The following SUGT1 variants were observed in gnomAD, a reference collection of about 807,000 sequenced individuals.
The protein encoded by SUGT1 is protein SGT1 homolog.
A neutral mutation model predicts 56.1 loss-of-function variants in SUGT1; 15 were observed. The observed-to-expected ratio is 0.27, with a 90% CI of 0.18 to 0.41. The LOEUF (loss-of-function observed/expected upper bound fraction) is 0.41, where lower values mean the gene tolerates loss of function less well. Ranked by LOEUF, SUGT1 falls within the 10% of genes least tolerant of loss-of-function variation. The probability of loss-of-function intolerance (pLI) is 1.00; values close to 1 mark genes in which losing one functional copy is unlikely to be tolerated. For missense variants in SUGT1, 347 were observed against 382.2 expected (o/e 0.91, Z 0.77); for synonymous variants, 123 against 128.6 (o/e 0.96, Z 0.30).
At chr13:52,685,979 A>T (rs1253848152) in intron 12 of SUGT1, among the ~76,000 whole-genome samples, 1 of 152,152 alleles carries the variant, frequency 6.6e-6, no homozygotes, top group Non-Finnish European at 1.5e-5. Context: ...TCAGGCTGGA[A>T]TGCAGTGGCG....
At chr13:52,675,607 T>C (rs1963109998) in intron 10 of SUGT1, among the ~76,000 whole-genome samples, 1 of 152,186 alleles carries the variant, frequency 6.6e-6, no homozygotes, top group Admixed American at 6.5e-5. Flanking sequence ...CCCACAGCCT[T>C]GAAGACTGTA....
In SUGT1 at chr13:52,658,401, G is replaced by C. The variant is rs1301699313; in HGVS notation, c.190G>C (p.Ala64Pro). Residue 64 changes from alanine (A) to proline (P), a missense_variant and splice_region_variant, in exon 4 of 13, where the codon GCT becomes CCT. Coordinates refer to ENST00000310528, the MANE Select transcript of SUGT1 (RefSeq NM_006704.5). ...AAAACCCGTCTTTTTCTACACAGTT[G>C]CTGTTGCTGATGCAAAGAAGTCTCT... is the stretch of plus-strand genomic sequence containing the variant. ...CHILLGNYCV[A>P]VADAKKSLEL... 6.2e-7 allele frequency: 1 copy of C among 1,612,704 alleles called. No individual in the cohort carries two copies. Among genetic ancestry groups the C allele is most frequent in the South Asian group, 1.1e-5 (1 of 90,666 alleles).
chr13:52,666,956 T>G lies in SUGT1; in HGVS notation c.627+37T>G, dbSNP rs182356623. The G allele has an allele frequency of 7.0e-3, 10,022 of 1,431,480 alleles. 59 individuals carry two copies. Among genetic ancestry groups the G allele is most frequent in the Middle Eastern group, 0.023 (132 of 5,678 alleles). 88.7% of individuals were successfully genotyped at this position (1,431,480 alleles called of 1,614,324 possible). A position where few individuals can be genotyped will look rare whatever the true frequency, so the allele number is the denominator to read the frequency against. On this transcript the variant is annotated intron_variant, in intron 10 of 12. Coordinates refer to ENST00000310528, the MANE Select transcript of SUGT1 (RefSeq NM_006704.5). Reference sequence around the variant, plus strand: ...GAAAAGTTTGTTACTAGTAATATTTTCAAAATTATAGAAATACTGGTGAAC... The same window carrying G: ...GAAAAGTTTGTTACTAGTAATATTTGCAAAATTATAGAAATACTGGTGAAC...
intron 9 of SUGT1, 76 bp downstream of exon 9, chr13:52,665,809 C>A: frequency 2.2e-6 from 2 of 929,128 alleles, no homozygotes; most frequent in Non-Finnish European, 3.2e-6. Context: ...TAATCGATAA[C>A]GGTTTATCAG....
At chr13:52,663,837 A>G (rs567444214) in intron 7 of SUGT1, among the ~76,000 whole-genome samples, 198 bp from the exon 8 acceptor site, 1 of 152,296 alleles carries the variant, frequency 6.6e-6, no homozygotes, top group South Asian at 2.1e-4. Flanking sequence ...TGAGCATTCT[A>G]ATTTTTTTCC....
rs552779509 is a variant in SUGT1 at position 52,689,637 on chromosome 13, C to A, written c.*1802C>A. The A allele has an allele frequency of 2.0e-5, 3 of 151,986 alleles. No homozygotes were observed. The highest frequency in any genetic ancestry group is 4.4e-5 in the Non-Finnish European group (3 of 67,992). The allele number at this position is 151,986 out of a possible 1,614,324, so 9.4% of individuals were successfully genotyped here. A position where few individuals can be genotyped will look rare whatever the true frequency, so the allele number is the denominator to read the frequency against. On this transcript the variant is annotated 3_prime_UTR_variant, in exon 13 of 13. Transcript: ENST00000310528. Reference sequence around the variant, plus strand: ...TCTAAATACAGAAGCATATTTTTGCCGCTTAACTTTTTCTTTCTTAAAGAT... The same window carrying A: ...TCTAAATACAGAAGCATATTTTTGCAGCTTAACTTTTTCTTTCTTAAAGAT...
chr13:52,659,815 T>TATATATATATATATA (rs57747988), intron 5 of SUGT1, among the ~76,000 whole-genome samples: 1 of 25,256 alleles, frequency 4.0e-5, no homozygotes, highest in Admixed American at 6.1e-4. Flanking sequence ...TATATATATA[T>TATATATATATATATA]TTTTTTTTTT....
Position 52,681,077 on chromosome 13 carries a change from A to G in SUGT1, c.900+922A>G, listed in dbSNP as rs553627151. On this transcript the variant is annotated intron_variant, in intron 12 of 12. Coordinates refer to ENST00000310528, the MANE Select transcript of SUGT1 (RefSeq NM_006704.5). ...GGTCTCGAACTCCTGGCTTCAAGCA[A>G]TCTAGCCGCCTCAGCCTCCCAAAGT... 2.8e-4 allele frequency among the ~76,000 whole-genome samples: 42 copies of G among 152,184 alleles called. No homozygotes were observed. In the East Asian group the frequency reaches 3.1e-3, roughly 11 times the overall value.
chr13:52,680,130 T>A lies in SUGT1; in HGVS notation c.875T>A (p.Val292Glu). Residue 292 changes from valine to glutamate, a missense_variant, in exon 12 of 13, where the codon GTG (valine) becomes GAG (glutamate). Val to Glu is a moderately radical substitution (Grantham distance 121). Transcript: ENST00000310528. ...ATCTATTCAGATGGTTCTGATGAAGTGAAACGTGCCATGAACAAATCCTTT... is the reference window on the plus strand; with the variant it reads ...ATCTATTCAGATGGTTCTGATGAAGAGAAACGTGCCATGAACAAATCCTTT... ...QQIYSDGSDE[V>E]KRAMNKSFME... The A allele has an allele frequency of 6.3e-7, 1 of 1,585,674 alleles. No individual in the cohort carries two copies. The highest frequency in any genetic ancestry group is 8.5e-7 in the Non-Finnish European group (1 of 1,171,568).
Position 52,692,652 on chromosome 13 carries a change from G to A in SUGT1, c.*4817G>A, listed in dbSNP as rs56341724. 0.12 allele frequency: 18,731 copies of A among 152,222 alleles called. 1,482 individuals are homozygous for A. Among genetic ancestry groups the A allele is most frequent in the East Asian group, 0.36 (1,864 of 5,152 alleles). 9.4% of individuals were successfully genotyped at this position (152,222 alleles called of 1,614,324 possible). On this transcript the variant is annotated 3_prime_UTR_variant, in exon 13 of 13. Coordinates refer to ENST00000310528, the MANE Select transcript of SUGT1 (RefSeq NM_006704.5). ...TCTTGAACTCCTGACCTCATGATCC[G>A]CCCACCTTGGCCTCCCAAAATGCTG... is the stretch of plus-strand genomic sequence containing the variant.
intron 12 of SUGT1, 139 bp from the exon 13 acceptor site, chr13:52,687,595 T>C (rs1963646513): frequency 4.5e-6 from 2 of 448,640 alleles, no homozygotes; most frequent in African/African-American, 2.0e-5. Context: ...TAATCTATTA[T>C]ATATGTATTG....
chr13:52,666,540 A>G (rs947132768), intron 9 of SUGT1, among the ~76,000 whole-genome samples: 3 of 152,184 alleles, frequency 2.0e-5, no homozygotes, highest in Non-Finnish European at 4.4e-5. Flanking sequence ...CTAAATATCA[A>G]ATAGGTGTGA....
chr13:52,668,860 A>G (rs917903753), intron 10 of SUGT1, among the ~76,000 whole-genome samples: 1 of 151,824 alleles, frequency 6.6e-6, no homozygotes, highest in East Asian at 1.9e-4. Flanking sequence ...TTGTTAATGC[A>G]TGTCCATTTG....
In SUGT1 at chr13:52,662,701, T is replaced by C; in HGVS notation, c.381T>C (p.Asn127=). The C allele has an allele frequency of 5.6e-6, 9 of 1,613,508 alleles. No homozygotes were observed. The highest frequency in any genetic ancestry group is 7.6e-6 in the Non-Finnish European group (9 of 1,179,796). Reference sequence around the variant, plus strand: ...TTAAAAGGTGTCAAGAAGCTCAGAATGGTATGTGGGTCTCCCTTGGTATTT... The same window carrying C: ...TTAAAAGGTGTCAAGAAGCTCAGAACGGTATGTGGGTCTCCCTTGGTATTT... ...VWIKRCQEAQ[N]GSESEVWTHQ... is the part of the protein sequence containing the mutation. Residue 127 remains asparagine, a splice_region_variant and synonymous_variant, in exon 6 of 13, where the codon AAT becomes AAC. Coordinates refer to ENST00000310528, the MANE Select transcript of SUGT1 (RefSeq NM_006704.5).
chr13:52,694,819 G>A lies in SUGT1; in HGVS notation c.*6984G>A, dbSNP rs1230732900. 6.6e-6 allele frequency: 1 copy of A among 152,316 alleles called. No homozygotes were observed. The highest frequency in any genetic ancestry group is 1.5e-5 in the Non-Finnish European group (1 of 68,132). The allele number at this position is 152,316 out of a possible 1,614,324, so 9.4% of individuals were successfully genotyped here. ...TTCTCATGCCTCAGCCTCCCAAGTA[G>A]CTGGGACTACAGGCGTCCGCCACCA... On this transcript the variant is annotated 3_prime_UTR_variant, in exon 13 of 13. Transcript: ENST00000310528.
Position 52,700,724 on chromosome 13 carries a change from C to A in SUGT1, c.*12889C>A, listed in dbSNP as rs1964057336. On this transcript the variant is annotated 3_prime_UTR_variant, in exon 13 of 13. Transcript: ENST00000310528. ...TGTAGACTTTGGTCAACTCTCTCCT[C>A]CTCCCTCAATAAATCAGTTAACTTA... 1 of 152,140 alleles carries A rather than the reference C, an allele frequency of 6.6e-6. No individual in the cohort carries two copies. The highest frequency in any genetic ancestry group is 2.1e-4 in the South Asian group (1 of 4,826). The allele number at this position is 152,140 out of a possible 1,614,324, so 9.4% of individuals were successfully genotyped here.
In SUGT1 at chr13:52,679,978, A is replaced by G; in HGVS notation, c.723A>G (p.Val241=). 2.5e-6 allele frequency: 4 copies of G among 1,586,542 alleles called. No homozygotes were observed. The highest frequency in any genetic ancestry group is 1.4e-5 in the African/African-American group (1 of 72,832). Residue 241 remains valine, a synonymous_variant, in exon 12 of 13, where the codon GTA becomes GTG. Transcript: ENST00000310528. ...VPTPKQFVAD[V]KNLYPSSSPY... ...CTGCCTTTTTTTACTTCATAGATGT[A>G]AAGAACCTATATCCATCATCATCTC...
At chr13:52,671,331 A>T (rs1380637974) in intron 10 of SUGT1, among the ~76,000 whole-genome samples, 1 of 141,312 alleles carries the variant, frequency 7.1e-6, no homozygotes, top group Admixed American at 7.2e-5. Context: ...AAAGAATTTT[A>T]CATAATTTTT....
chr13:52,693,331 A>G lies in SUGT1; in HGVS notation c.*5496A>G, dbSNP rs1963833362. The G allele has an allele frequency of 6.6e-6, 1 of 152,212 alleles. No individual in the cohort carries two copies. The highest frequency in any genetic ancestry group is 1.5e-5 in the Non-Finnish European group (1 of 68,036). 9.4% of individuals were successfully genotyped at this position (152,212 alleles called of 1,614,324 possible). A position where few individuals can be genotyped will look rare whatever the true frequency, so the allele number is the denominator to read the frequency against. ...GGTAATTTTCAGTTTCTTTAGAAGG[A>G]GTTAGGAAAATGGTCCTTAATACCT... On this transcript the variant is annotated 3_prime_UTR_variant, in exon 13 of 13. Coordinates refer to ENST00000310528, the MANE Select transcript of SUGT1 (RefSeq NM_006704.5).
Sources: gnomAD v4.1 joint callset for allele counts (sites outside exome capture counted in the v4.1 genomes callset) on GRCh38, gnomAD v4.1.1 for gene constraint, MANE v1.5 for transcripts, NCBI Gene and HGNC (gene_info 2026-07-23, HGNC 2026-07-21) for gene names.